GALNTL6: variants seen among roughly 807,000 people sequenced by gnomAD.
GALNTL6 encodes the protein polypeptide N-acetylgalactosaminyltransferase-like 6.
GALNTL6 carries 46 observed loss-of-function variants against 73.7 expected under a neutral mutation model. The ratio of observed to expected loss-of-function variants is 0.62; its 90% CI spans 0.49 to 0.80. The LOEUF (loss-of-function observed/expected upper bound fraction) is 0.80. GALNTL6 is among the 30% of genes least tolerant of loss of function. The pLI, the probability that GALNTL6 is intolerant of heterozygous loss-of-function variation, is 0.00. For missense variants in GALNTL6, 604 were observed against 755.0 expected (o/e 0.80, Z 2.34); for synonymous variants, 259 against 263.7 (o/e 0.98, Z 0.17).
At chr4:172,293,371 G>A (rs1739538320) in intron 3 of GALNTL6, among the ~76,000 whole-genome samples, 1 of 152,028 alleles carries the variant, frequency 6.6e-6, no homozygotes, top group South Asian at 2.1e-4. Context: ...GGTCACTCAT[G>A]ATGAAATTAA....
At chr4:171,867,611 G>A (rs1736004896) in intron 2 of GALNTL6, among the ~76,000 whole-genome samples, 1 of 152,138 alleles carries the variant, frequency 6.6e-6, no homozygotes. Flanking sequence ...CAGTGTCTCT[G>A]CATTAATATG....
intron 2 of GALNTL6, among the ~76,000 whole-genome samples, chr4:171,888,842 T>C (rs80274934): frequency 0.02 from 3,044 of 152,158 alleles, 89 homozygotes; most frequent in African/African-American, 0.069. Context: ...CATGATATAA[T>C]TTTTACTACC....
intron 2 of GALNTL6, among the ~76,000 whole-genome samples, chr4:171,898,986 A>G (rs1737003957): frequency 6.9e-6 from 1 of 144,548 alleles, no homozygotes; most frequent in African/African-American, 2.6e-5. Context: ...GTAGTTAAAC[A>G]GCATATATTT....
intron 2 of GALNTL6, among the ~76,000 whole-genome samples, chr4:171,972,895 A>G (rs996742027): frequency 6.6e-6 from 1 of 152,214 alleles, no homozygotes; most frequent in Non-Finnish European, 1.5e-5. Flanking sequence ...TATCTGAATT[A>G]CTAAATACAA....
intron 2 of GALNTL6, among the ~76,000 whole-genome samples, chr4:172,090,981 G>A (rs1043050361): frequency 1.3e-5 from 2 of 152,086 alleles, no homozygotes; most frequent in Non-Finnish European, 2.9e-5. Context: ...TGTGTGTCAG[G>A]TTTGTCAAAG....
chr4:172,781,262 A>G (rs1171917223), intron 5 of GALNTL6, among the ~76,000 whole-genome samples: 1 of 152,230 alleles, frequency 6.6e-6, no homozygotes, highest in African/African-American at 2.4e-5. Context: ...AAAAATGACC[A>G]GTAAGATACG....
intron 5 of GALNTL6, among the ~76,000 whole-genome samples, chr4:172,496,813 C>G (rs1220095904): frequency 6.6e-6 from 1 of 152,194 alleles, no homozygotes; most frequent in East Asian, 1.9e-4. Context: ...ATCTCAGCCA[C>G]TGCTAGTGCT....
intron 5 of GALNTL6, among the ~76,000 whole-genome samples, chr4:172,495,943 T>A (rs1212628937): frequency 6.6e-6 from 1 of 152,224 alleles, no homozygotes; most frequent in African/African-American, 2.4e-5. Flanking sequence ...TGACTATCCC[T>A]TATCAAAACA....
intron 3 of GALNTL6, among the ~76,000 whole-genome samples, chr4:172,238,982 G>A (rs934250466): frequency 6.6e-6 from 1 of 152,104 alleles, no homozygotes; most frequent in Admixed American, 6.6e-5. Context: ...GCATTTTGAT[G>A]TGCTGCTGGG....
chr4:172,058,570 A>C (rs899841300), intron 2 of GALNTL6, among the ~76,000 whole-genome samples: 1 of 151,990 alleles, frequency 6.6e-6, no homozygotes, highest in Non-Finnish European at 1.5e-5. Flanking sequence ...GCATGTGTGC[A>C]CACCTGCATG....
intron 11 of GALNTL6, 55 bp downstream of exon 11, chr4:173,009,349 A>C (rs1752441651): frequency 9.9e-7 from 1 of 1,007,642 alleles, no homozygotes; most frequent in Non-Finnish European, 1.6e-6. Flanking sequence ...GCTGATGCAG[A>C]CACAGAGGGA....
At chr4:172,925,254 A>T (rs1747998680) in intron 8 of GALNTL6, among the ~76,000 whole-genome samples, 1 of 152,022 alleles carries the variant, frequency 6.6e-6, no homozygotes, top group Non-Finnish European at 1.5e-5. Flanking sequence ...AGTTTTCTCA[A>T]CACTGAATTT....
chr4:172,036,609 T>C (rs769109305), intron 2 of GALNTL6, among the ~76,000 whole-genome samples: 1 of 152,268 alleles, frequency 6.6e-6, no homozygotes, highest in East Asian at 1.9e-4. Flanking sequence ...TTTCAGTATA[T>C]AATTAACCAC....
intron 5 of GALNTL6, among the ~76,000 whole-genome samples, chr4:172,372,573 T>C (rs1742858083): frequency 6.6e-6 from 1 of 152,150 alleles, no homozygotes; most frequent in Admixed American, 6.5e-5. Context: ...GGTTGTGGGG[T>C]TGTCACACGA....
chr4:172,122,028 A>T (rs553136656), intron 2 of GALNTL6, among the ~76,000 whole-genome samples: 1 of 150,498 alleles, frequency 6.6e-6, no homozygotes, highest in African/African-American at 2.4e-5. Context: ...TCCCTGAGGG[A>T]TTTGTCCAGA....
chr4:171,863,717 G>A (rs1735898510), intron 2 of GALNTL6, among the ~76,000 whole-genome samples: 1 of 151,788 alleles, frequency 6.6e-6, no homozygotes, highest in Admixed American at 6.6e-5. Context: ...GTAGGACAAA[G>A]TGCATGCATT....
chr4:172,483,741 C>T (rs1174834139), intron 5 of GALNTL6, among the ~76,000 whole-genome samples: 1 of 151,938 alleles, frequency 6.6e-6, no homozygotes, highest in Non-Finnish European at 1.5e-5. Context: ...ACTTAAGATA[C>T]AAGGGGGAGA....
intron 3 of GALNTL6, among the ~76,000 whole-genome samples, chr4:172,291,646 C>G (rs1739475677): frequency 6.6e-6 from 1 of 151,830 alleles, no homozygotes. Flanking sequence ...TCCATGGAGT[C>G]TAAAGGCAAA....
intron 2 of GALNTL6, among the ~76,000 whole-genome samples, chr4:172,179,426 A>G (rs1431311877): frequency 7.4e-6 from 1 of 134,306 alleles, no homozygotes; most frequent in African/African-American, 3.2e-5. Context: ...GCATTTTTTC[A>G]TGTGTTTTTT....
Sources: allele counts gnomAD v4.1 joint callset (sites outside exome capture counted in the v4.1 genomes callset), GRCh38; gene constraint gnomAD v4.1.1; transcripts MANE v1.5; gene names NCBI Gene and HGNC (gene_info 2026-07-23, HGNC 2026-07-21).